TSTD2: variants seen among roughly 807,000 people sequenced by gnomAD.
TSTD2 encodes the protein thiosulfate sulfurtransferase/rhodanese-like domain-containing protein 2.
In TSTD2, 37 loss-of-function variants were observed where a neutral mutation model predicts 47.9. The ratio of observed to expected loss-of-function variants is 0.77; its 90% CI spans 0.59 to 1.02. The LOEUF is 1.02. Among genes scored for constraint, TSTD2 ranks in the 50% least tolerant of loss-of-function variants. TSTD2 has a pLI of 0.00. For synonymous variants in TSTD2, 201 were observed against 215.9 expected, an observed-to-expected ratio of 0.93 and a Z score of 0.61; for missense variants, 586 against 616.0, an observed-to-expected ratio of 0.95 and a Z score of 0.52.
chr9:97,607,175 A>G lies in TSTD2; in HGVS notation c.836-914T>C, dbSNP rs191409359. On this transcript the variant is annotated intron_variant, in intron 6 of 9. Coordinates refer to ENST00000341170, the MANE Select transcript of TSTD2 (RefSeq NM_139246.5). ...AGCAAGACCCTGTCTCAAAAAATATATATACAAAGGGACTAATAGGAGAGA... is the reference window on the plus strand; with the variant it reads ...AGCAAGACCCTGTCTCAAAAAATATGTATACAAAGGGACTAATAGGAGAGA... Among the ~76,000 whole-genome samples, 12 of 152,236 alleles carry G rather than the reference A, an allele frequency of 7.9e-5. No individual in the cohort carries two copies. The East Asian group carries it at 2.3e-3, about 29-fold the overall frequency.
intron 8 of TSTD2, 98 bp downstream of exon 8, chr9:97,605,385 G>T: frequency 6.8e-7 from 1 of 1,467,634 alleles, no homozygotes; most frequent in Non-Finnish European, 9.3e-7. Flanking sequence ...CTGCCTGGGG[G>T]TGGGGAGTAC....
At chr9:97,623,719 T>C (rs1333967011) in intron 3 of TSTD2, among the ~76,000 whole-genome samples, 1 of 152,082 alleles carries the variant, frequency 6.6e-6, no homozygotes, top group African/African-American at 2.4e-5. Flanking sequence ...TAGCTGGGTA[T>C]GGTGGTGCAT....
At chr9:97,607,185 G>A (rs1826380308) in intron 6 of TSTD2, among the ~76,000 whole-genome samples, 1 of 151,972 alleles carries the variant, frequency 6.6e-6, no homozygotes, top group African/African-American at 2.4e-5. Flanking sequence ...ATATACAAAG[G>A]GACTAATAGG....
At chr9:97,616,694 A>G (rs1204057330) in intron 4 of TSTD2, among the ~76,000 whole-genome samples, 1 of 152,226 alleles carries the variant, frequency 6.6e-6, no homozygotes, top group Non-Finnish European at 1.5e-5. Context: ...TATGTTGGGA[A>G]AGATGAAACA....
intron 4 of TSTD2, 24 bp from the exon 5 acceptor site, chr9:97,611,723 G>A (rs772930330): frequency 3.8e-6 from 6 of 1,591,698 alleles, no homozygotes; most frequent in African/African-American, 1.3e-5. Context: ...CGGTGAAAAA[G>A]AGAACAGATT....
At chr9:97,617,926 A>C in intron 3 of TSTD2, 49 bp from the exon 4 acceptor site, 3 of 1,586,982 alleles carry the variant, frequency 1.9e-6, no homozygotes, top group Non-Finnish European at 2.6e-6. Context: ...GCTGGCATAA[A>C]GAAGTCACAA....
intron 1 of TSTD2, among the ~76,000 whole-genome samples, chr9:97,628,781 G>C (rs1826763040): frequency 6.6e-6 from 1 of 152,154 alleles, no homozygotes; most frequent in Admixed American, 6.5e-5. Context: ...ATTCTGAGAT[G>C]CTCACGCTGA....
At chr9:97,619,319 G>A (rs980488513) in intron 3 of TSTD2, among the ~76,000 whole-genome samples, 1 of 152,156 alleles carries the variant, frequency 6.6e-6, no homozygotes, top group Admixed American at 6.5e-5. Context: ...GTTGACCCGT[G>A]AGCAACGCGG....
At chr9:97,605,668 A>AATTATCAGAAAAAC in intron 7 of TSTD2, 27 bp from the exon 8 acceptor site, 8 of 1,613,920 alleles carry the variant, frequency 5.0e-6, no homozygotes, top group Non-Finnish European at 6.8e-6. Context: ...ACAAAAGGAA[A>AATTATCAGAAAAAC]ATTATCAGAA....
At chr9:97,625,620 T>G (rs781573555) in intron 3 of TSTD2, 61 bp downstream of exon 3, 6 of 1,471,590 alleles carry the variant, frequency 4.1e-6, no homozygotes, top group Non-Finnish European at 5.5e-6. Context: ...TGAATTGTAG[T>G]ATCTCATTGT....
At position 97,602,691 on chromosome 9, in the gene TSTD2, G is replaced by A; in HGVS notation, c.1329C>T (p.Thr443=). The change falls in exon 10 of 10, where the codon ACC becomes ACT. Residue 443 remains threonine (T), a synonymous_variant. Transcript: ENST00000341170. ...STPQCRQLVL[T]CPACQGQGFT... ...ATCCTTGTCCTTGACAGGCAGGGCA[G>A]GTCAAAACGAGCTGGCGGCACTGGG... 1 of 1,614,222 alleles carries A rather than the reference G, an allele frequency of 6.2e-7. No individual in the cohort carries two copies.
chr9:97,624,367 A>G (rs1826686684), intron 3 of TSTD2, among the ~76,000 whole-genome samples: 1 of 152,162 alleles, frequency 6.6e-6, no homozygotes, highest in South Asian at 2.1e-4. Context: ...ACTAAAAGCC[A>G]CTGAAAAAAC....
intron 1 of TSTD2, among the ~76,000 whole-genome samples, chr9:97,632,549 AT>A (rs36004486): frequency 1.8e-4 from 27 of 147,232 alleles, no homozygotes; most frequent in East Asian, 4.0e-4. Context: ...GGCTCAGCTA[AT>A]TTTTTTTTTT....
chr9:97,602,995 C>T, intron 9 of TSTD2: 1 of 452,088 alleles, frequency 2.2e-6, no homozygotes, highest in Admixed American at 4.3e-5. Context: ...CCAGTATTTA[C>T]TGACTTTTTT....
intron 1 of TSTD2, among the ~76,000 whole-genome samples, chr9:97,632,514 C>CT (rs35750172): frequency 0.15 from 22,705 of 151,562 alleles, 1,845 homozygotes; most frequent in Non-Finnish European, 0.17. Flanking sequence ...CCTCGAGTAA[C>CT]TGGGACTACA....
At chr9:97,629,405 C>T (rs1826774767) in intron 1 of TSTD2, among the ~76,000 whole-genome samples, 1 of 152,234 alleles carries the variant, frequency 6.6e-6, no homozygotes, top group Admixed American at 6.5e-5. Flanking sequence ...ACTTGCACCA[C>T]ATAAAATGCA....
Position 97,606,208 on chromosome 9 carries a change from G to A in TSTD2, c.889C>T (p.Gln297Ter), listed in dbSNP as rs913838046. 6.2e-7 allele frequency: 1 copy of A among 1,612,544 alleles called. No homozygotes were observed. The highest frequency in any genetic ancestry group is 1.1e-5 in the South Asian group (1 of 90,906). Residue 297 changes from glutamine (Q) to a stop codon, truncating the protein, a stop_gained, in exon 7 of 10, where the codon CAG becomes TAG. Coordinates refer to ENST00000341170, the MANE Select transcript of TSTD2 (RefSeq NM_139246.5). LOFTEE classifies it high-confidence loss of function. Reference protein sequence around the residue: ...FHKEVEKFLSQANQEQSDTIL... With the variant: ...FHKEVEKFLS ...GTATCACTTTGTTCTTGATTTGCCT[G>A]AGATAAAAACTTTTCTACTTCTTTA... is the stretch of plus-strand genomic sequence containing the variant.
intron 4 of TSTD2, 31 bp from the exon 5 acceptor site, chr9:97,611,730 G>C: frequency 6.3e-7 from 1 of 1,585,900 alleles, no homozygotes; most frequent in Non-Finnish European, 8.6e-7. Context: ...AAAGAGAACA[G>C]ATTGTTCTTA....
chr9:97,606,407 A>T (rs989035916), intron 6 of TSTD2, 146 bp from the exon 7 acceptor site: 1 of 576,668 alleles, frequency 1.7e-6, no homozygotes. Flanking sequence ...TGAAAAGAAC[A>T]CTACTTGATG....
Sources: gnomAD v4.1 joint callset for allele counts (sites outside exome capture counted in the v4.1 genomes callset) on GRCh38, gnomAD v4.1.1 for gene constraint, MANE v1.5 for transcripts, NCBI Gene and HGNC (gene_info 2026-07-23, HGNC 2026-07-21) for gene names.